CLASP2: variants seen among roughly 807,000 people sequenced by gnomAD.
CLASP2 encodes CLIP-associating protein 2.
A neutral mutation model predicts 194.4 loss-of-function variants in CLASP2; 47 were observed. That is an observed-to-expected ratio of 0.24 (90% confidence interval 0.19 to 0.31). The LOEUF (loss-of-function observed/expected upper bound fraction) is 0.31. CLASP2 is among the 10% of genes least tolerant of loss of function. The probability of loss-of-function intolerance (pLI) is 1.00; values close to 1 mark genes in which losing one functional copy is unlikely to be tolerated. For synonymous variants in CLASP2, 619 were observed against 633.5 expected (o/e 0.98, Z 0.34); for missense variants, 1,445 against 1,823.6 (o/e 0.79, Z 3.78).
chr3:33,517,985 T>C (rs887758016), intron 34 of CLASP2, among the ~76,000 whole-genome samples: 1 of 152,214 alleles, frequency 6.6e-6, no homozygotes, highest in Admixed American at 6.5e-5. Flanking sequence ...TCACTGATTG[T>C]TGTTGAATCA....
chr3:33,641,461 A>T (rs551055082), intron 8 of CLASP2, among the ~76,000 whole-genome samples: 11 of 152,136 alleles, frequency 7.2e-5, no homozygotes, highest in African/African-American at 2.6e-4. Context: ...AATGATACAT[A>T]TACTGTATGA....
chr3:33,674,815 G>A (rs1011934777), intron 6 of CLASP2, among the ~76,000 whole-genome samples: 166 of 152,176 alleles, frequency 1.1e-3, no homozygotes, highest in Non-Finnish European at 2.2e-3. Flanking sequence ...ACACCTCTAC[G>A]CAAATAAACT....
intron 34 of CLASP2, among the ~76,000 whole-genome samples, chr3:33,517,591 G>T (rs12485278): frequency 0.37 from 56,074 of 151,978 alleles, 10,962 homozygotes; most frequent in Admixed American, 0.51. Flanking sequence ...TGGCTTTTAG[G>T]GATGATAAAA....
At chr3:33,577,387 A>G in intron 23 of CLASP2, 1 of 700,004 alleles carries the variant, frequency 1.4e-6, no homozygotes, top group Non-Finnish European at 2.3e-6. Flanking sequence ...TAATGATCAG[A>G]GTATTGCCAA....
chr3:33,532,695 G>A (rs1290651933), intron 34 of CLASP2, among the ~76,000 whole-genome samples: 1 of 152,076 alleles, frequency 6.6e-6, no homozygotes, highest in Non-Finnish European at 1.5e-5. Flanking sequence ...TTTATTTTTT[G>A]TAATTATTAG....
chr3:33,560,794 GA>G lies in CLASP2; in HGVS notation c.2930+13del, dbSNP rs1351866785. 7.5e-6 allele frequency: 12 copies of G among 1,608,360 alleles called. No individual in the cohort carries two copies. The highest frequency in any genetic ancestry group is 5.1e-5 in the Admixed American group (3 of 58,826). On this transcript the variant is annotated intron_variant, in intron 28 of 38. Transcript: ENST00000682230. ...ATTATCAGGTTAACTTGAAATATAT[GA>G]AAAAAATATTACCTTGTAACATCAA...
At position 33,658,324 on chromosome 3, in the gene CLASP2, C is replaced by T. The variant is rs183536297; in HGVS notation, c.715+5121G>A. Among the ~76,000 whole-genome samples the T allele has an allele frequency of 3.9e-5, 6 of 152,164 alleles. No homozygotes were observed. In the East Asian group the frequency reaches 1.2e-3, roughly 29 times the overall value. On this transcript the variant is annotated intron_variant, in intron 7 of 38. Coordinates refer to ENST00000682230, the MANE Select transcript of CLASP2 (RefSeq NM_001365631.1). ...AATATATATTAAGTATACAAAAGTG[C>T]TTTGGAGAACTATAATGCCTAATAA... is the stretch of plus-strand genomic sequence containing the variant.
At chr3:33,676,942 C>A (rs539166603) in intron 6 of CLASP2, among the ~76,000 whole-genome samples, 25 of 152,278 alleles carry the variant, frequency 1.6e-4, no homozygotes, top group Non-Finnish European at 3.4e-4. Flanking sequence ...AGCCAAAAAA[C>A]ACATGAAAAA....
chr3:33,687,049 T>C lies in CLASP2; in HGVS notation c.546+11A>G, dbSNP rs773783333. ...AAATCAGTCAATGCTTGAATGTAAATAAAATTTTACCTGACTGTTGGAGTC... is the reference window on the plus strand; with the variant it reads ...AAATCAGTCAATGCTTGAATGTAAACAAAATTTTACCTGACTGTTGGAGTC... On this transcript the variant is annotated intron_variant, in intron 5 of 38. Coordinates refer to ENST00000682230, the MANE Select transcript of CLASP2 (RefSeq NM_001365631.1). 2 of 1,517,528 alleles carry C rather than the reference T, an allele frequency of 1.3e-6. No homozygotes were observed. Among genetic ancestry groups the C allele is most frequent in the Non-Finnish European group, 1.8e-6 (2 of 1,120,908 alleles). The allele number at this position is 1,517,528 out of a possible 1,614,324, so 94.0% of individuals were successfully genotyped here.
chr3:33,509,185 T>C (rs1575645281), intron 37 of CLASP2, among the ~76,000 whole-genome samples: 3 of 152,242 alleles, frequency 2.0e-5, no homozygotes, highest in African/African-American at 7.2e-5. Context: ...TTTTATGACA[T>C]CATTATTTGC....
intron 9 of CLASP2, among the ~76,000 whole-genome samples, chr3:33,630,079 AGAT>A (rs1232504305): frequency 6.6e-6 from 1 of 152,204 alleles, no homozygotes; most frequent in African/African-American, 2.4e-5. Context: ...GGTAACACAC[AGAT>A]GATATCAAAA....
chr3:33,510,813 A>T (rs1184921502), intron 36 of CLASP2, 49 bp from the exon 37 acceptor site: 2 of 1,449,914 alleles, frequency 1.4e-6, no homozygotes, highest in Non-Finnish European at 1.9e-6. Context: ...AAAATATTAC[A>T]CTACATCCTG....
At chr3:33,614,391 T>C (rs1309606499) in intron 12 of CLASP2, among the ~76,000 whole-genome samples, 10 of 152,122 alleles carry the variant, frequency 6.6e-5, no homozygotes, top group Non-Finnish European at 1.2e-4. Context: ...CAGGAAAAGA[T>C]CTGAGCCAAT....
At chr3:33,694,306 C>T (rs2091650477) in intron 2 of CLASP2, among the ~76,000 whole-genome samples, 1 of 152,214 alleles carries the variant, frequency 6.6e-6, no homozygotes, top group African/African-American at 2.4e-5. Flanking sequence ...GGGAGTCAAA[C>T]TAGAATTCTG....
chr3:33,524,792 T>C (rs540200324), intron 34 of CLASP2, among the ~76,000 whole-genome samples: 15 of 152,186 alleles, frequency 9.9e-5, no homozygotes, highest in African/African-American at 3.1e-4. Flanking sequence ...TATAAACATG[T>C]ATGCAGCTAA....
At chr3:33,663,561 A>G (rs777813266) in intron 6 of CLASP2, 46 bp from the exon 7 acceptor site, 3 of 1,284,028 alleles carry the variant, frequency 2.3e-6, no homozygotes, top group Non-Finnish European at 3.4e-6. Context: ...TTTAAAACAT[A>G]TAGATTAAAT....
At chr3:33,703,636 T>G (rs116567880) in intron 1 of CLASP2, among the ~76,000 whole-genome samples, 1 of 152,336 alleles carries the variant, frequency 6.6e-6, no homozygotes, top group African/African-American at 2.4e-5. Context: ...ATAAAACACC[T>G]ACACACTCAT....
At chr3:33,579,517 A>G (rs2065568957) in intron 23 of CLASP2, among the ~76,000 whole-genome samples, 1 of 152,196 alleles carries the variant, frequency 6.6e-6, no homozygotes, top group South Asian at 2.1e-4. Flanking sequence ...AAGAAATCTG[A>G]GATCCTTCCC....
intron 1 of CLASP2, among the ~76,000 whole-genome samples, chr3:33,702,274 C>T (rs1292104104): frequency 6.6e-6 from 1 of 151,850 alleles, no homozygotes; most frequent in African/African-American, 2.4e-5. Flanking sequence ...GACAATGGCA[C>T]AAGAAGAGAA....
Sources: allele counts gnomAD v4.1 joint callset (sites outside exome capture counted in the v4.1 genomes callset), GRCh38; gene constraint gnomAD v4.1.1; transcripts MANE v1.5; gene names NCBI Gene and HGNC (gene_info 2026-07-23, HGNC 2026-07-21).